Variants in NAALADL2 observed in about 807,000 individuals in gnomAD.
NAALADL2 encodes N-acetylated alpha-linked acidic dipeptidase like 2, also known as inactive N-acetylated-alpha-linked acidic dipeptidase-like protein 2.
In NAALADL2, 76 loss-of-function variants were observed where a neutral mutation model predicts 87.2. The ratio of observed to expected loss-of-function variants is 0.87; its 90% CI spans 0.72 to 1.05. The LOEUF (loss-of-function observed/expected upper bound fraction) is 1.05, where lower values mean the gene tolerates loss of function less well. NAALADL2 is among the 50% of genes least tolerant of loss of function. The pLI is 0.00. For synonymous variants in NAALADL2, 354 were observed against 331.0 expected, an observed-to-expected ratio of 1.07 and a Z score of -0.75; for missense variants, 1,089 against 945.8, an observed-to-expected ratio of 1.15 and a Z score of -1.99.
intron 2 of NAALADL2, among the ~76,000 whole-genome samples, chr3:175,170,100 G>A (rs1444468978): frequency 6.6e-6 from 1 of 151,746 alleles, no homozygotes; most frequent in African/African-American, 2.4e-5. Flanking sequence ...TAACTGACAT[G>A]CAATTTCTGT....
Position 174,806,137 on chromosome 3 carries a change from G to C in NAALADL2, c.-9+68391G>C, listed in dbSNP as rs549369314. 1.3e-3 allele frequency among the ~76,000 whole-genome samples: 204 copies of C among 152,264 alleles called. 1 individual carries two copies. Among genetic ancestry groups the C allele is most frequent in the Non-Finnish European group, 2.3e-3 (155 of 68,018 alleles). Reference sequence around the variant, plus strand: ...ATATTATCACTAATCTTTTGTCCCTGGTTGGGCTTCTCCCAAAGCCCATTT... The same window carrying C: ...ATATTATCACTAATCTTTTGTCCCTCGTTGGGCTTCTCCCAAAGCCCATTT... On this transcript the variant is annotated intron_variant, in intron 3 of 3. Coordinates refer to the NAALADL2 transcript ENST00000434257.
chr3:174,479,137 C>T (rs528146273), intron 1 of NAALADL2, among the ~76,000 whole-genome samples: 16 of 152,102 alleles, frequency 1.1e-4, no homozygotes, highest in Admixed American at 5.9e-4. Flanking sequence ...TGATACATTT[C>T]GTCATCTTAT....
intron 4 of NAALADL2, among the ~76,000 whole-genome samples, chr3:175,307,549 T>C (rs1757867862): frequency 6.6e-6 from 1 of 152,176 alleles, no homozygotes; most frequent in African/African-American, 2.4e-5. Flanking sequence ...TACCAAAGAT[T>C]CAGAAGCATA....
At chr3:175,627,259 G>A (rs1320901763) in intron 10 of NAALADL2, 32 bp from the exon 11 acceptor site, 1 of 1,486,172 alleles carries the variant, frequency 6.7e-7, no homozygotes, top group African/African-American at 1.4e-5. Flanking sequence ...TCGATAAAGA[G>A]TTTTAAATGT....
chr3:175,431,869 C>T (rs2149164482), intron 5 of NAALADL2, among the ~76,000 whole-genome samples: 1 of 152,112 alleles, frequency 6.6e-6, no homozygotes, highest in East Asian at 1.9e-4. Context: ...TCATCCAGGA[C>T]TGAAACCTTA....
chr3:175,369,598 G>A (rs756835999), intron 5 of NAALADL2: 1 of 152,290 alleles, frequency 6.6e-6, no homozygotes, highest in Non-Finnish European at 1.5e-5. Flanking sequence ...CACACACATA[G>A]CAGGTGTATA....
intron 1 of NAALADL2, among the ~76,000 whole-genome samples, chr3:174,489,153 T>C (rs1363612245): frequency 6.6e-6 from 1 of 152,106 alleles, no homozygotes; most frequent in Admixed American, 6.6e-5. Flanking sequence ...TTTCAGGCAA[T>C]ATTTTTTTCT....
At chr3:174,736,453 A>G (rs990486279) in intron 2 of NAALADL2, among the ~76,000 whole-genome samples, 7 of 151,942 alleles carry the variant, frequency 4.6e-5, no homozygotes, top group African/African-American at 1.7e-4. Context: ...TGTCCCAACA[A>G]GTGTTCAGCT....
At chr3:175,780,051 G>A (rs560653317) in intron 13 of NAALADL2, among the ~76,000 whole-genome samples, 15 of 151,824 alleles carry the variant, frequency 9.9e-5, no homozygotes, top group African/African-American at 3.1e-4. Context: ...GGCAGATCAC[G>A]AGGTCAGTAG....
chr3:174,994,070 A>G lies in NAALADL2; in HGVS notation c.44-102720A>G, dbSNP rs143564099. Among the ~76,000 whole-genome samples the G allele has an allele frequency of 1.2e-3, 176 of 152,252 alleles. 1 individual carries two copies. The highest frequency in any genetic ancestry group is 4.0e-3 in the African/African-American group (168 of 41,554). Reference sequence around the variant, plus strand: ...ACTTGCTTGCATCTGCAAAGACCCTATTTCCAAATTCGATCACATTCACAG... The same window carrying G: ...ACTTGCTTGCATCTGCAAAGACCCTGTTTCCAAATTCGATCACATTCACAG... On this transcript the variant is annotated intron_variant, in intron 1 of 13. Transcript: ENST00000454872.
chr3:175,624,475 TATTA>T (rs757460555), intron 10 of NAALADL2, among the ~76,000 whole-genome samples: 5 of 152,106 alleles, frequency 3.3e-5, no homozygotes, highest in Non-Finnish European at 5.9e-5. Context: ...ACCTTCAAAA[TATTA>T]ATTAAAGGCA....
intron 5 of NAALADL2, among the ~76,000 whole-genome samples, chr3:175,422,754 A>C (rs977307127): frequency 1.3e-5 from 2 of 152,028 alleles, no homozygotes; most frequent in African/African-American, 4.8e-5. Context: ...ACTAGTCATC[A>C]GGTAAGAGGA....
At chr3:174,987,341 G>A (rs955736870) in intron 1 of NAALADL2, among the ~76,000 whole-genome samples, 6 of 151,272 alleles carry the variant, frequency 4.0e-5, no homozygotes, top group Non-Finnish European at 7.4e-5. Context: ...AGGCCGAGGC[G>A]GGCGGATCAC....
chr3:175,439,620 T>C (rs977712012), intron 5 of NAALADL2, among the ~76,000 whole-genome samples: 1 of 152,116 alleles, frequency 6.6e-6, no homozygotes, highest in East Asian at 1.9e-4. Flanking sequence ...TTCATGTTTA[T>C]TGGCCGTTTG....
At chr3:174,896,511 TAGAAG>T (rs1731553161) in intron 1 of NAALADL2, among the ~76,000 whole-genome samples, 1 of 151,832 alleles carries the variant, frequency 6.6e-6, no homozygotes, top group African/African-American at 2.4e-5. Flanking sequence ...ATGAAGGAAA[TAGAAG>T]AGGACACCAC....
chr3:174,712,861 G>A (rs904997491), intron 2 of NAALADL2, among the ~76,000 whole-genome samples: 1 of 151,992 alleles, frequency 6.6e-6, no homozygotes, highest in Non-Finnish European at 1.5e-5. Flanking sequence ...GTGCAGGTTA[G>A]TTACGTATGT....
chr3:174,960,650 C>T (rs2108553758), intron 1 of NAALADL2, among the ~76,000 whole-genome samples: 1 of 151,966 alleles, frequency 6.6e-6, no homozygotes, highest in Non-Finnish European at 1.5e-5. Context: ...TGTGTATAGG[C>T]AGAAGTTTGG....
chr3:175,752,093 T>G (rs1387750820), intron 12 of NAALADL2, among the ~76,000 whole-genome samples: 6 of 152,062 alleles, frequency 3.9e-5, no homozygotes, highest in Non-Finnish European at 5.9e-5. Flanking sequence ...AGACATCTCA[T>G]AATTCAACAT....
intron 2 of NAALADL2, among the ~76,000 whole-genome samples, chr3:174,583,082 A>G (rs1716346693): frequency 6.6e-6 from 1 of 152,220 alleles, no homozygotes; most frequent in African/African-American, 2.4e-5. Context: ...CCACCTGTCA[A>G]TGAAACAGAA....
Sources: allele counts gnomAD v4.1 joint callset (sites outside exome capture counted in the v4.1 genomes callset), GRCh38; gene constraint gnomAD v4.1.1; transcripts MANE v1.5; gene names NCBI Gene and HGNC (gene_info 2026-07-23, HGNC 2026-07-21).